The following ZHX2 variants were observed in gnomAD, a reference collection of about 807,000 sequenced individuals.
The protein encoded by ZHX2 is zinc fingers and homeoboxes 2.
ZHX2 carries 6 observed loss-of-function variants against 21.9 expected under a neutral mutation model. The ratio of observed to expected loss-of-function variants is 0.27; its 90% CI spans 0.15 to 0.54. ZHX2 has a LOEUF of 0.54. ZHX2 is among the 20% of genes least tolerant of loss of function. ZHX2 has a pLI of 0.95. For missense variants in ZHX2, 908 were observed against 1,090.7 expected, an observed-to-expected ratio of 0.83 and a Z score of 2.36; for synonymous variants, 434 against 437.1, an observed-to-expected ratio of 0.99 and a Z score of 0.09.
At chr8:122,815,925 C>T (rs1035494591) in intron 1 of ZHX2, among the ~76,000 whole-genome samples, 1 of 151,868 alleles carries the variant, frequency 6.6e-6, no homozygotes, top group African/African-American at 2.4e-5. Context: ...ACTGAAAATA[C>T]AAAAATTAGC....
At chr8:122,893,583 T>C (rs1454089703) in intron 2 of ZHX2, among the ~76,000 whole-genome samples, 2 of 152,188 alleles carry the variant, frequency 1.3e-5, no homozygotes, top group African/African-American at 2.4e-5. Context: ...TAGAAATTCT[T>C]TTTTCTACTT....
rs752787185 is a variant in ZHX2, at chr8:122,872,359, T to C, written c.-220+8820T>C. Among the ~76,000 whole-genome samples, 5 of 152,176 alleles carry C rather than the reference T, an allele frequency of 3.3e-5. No homozygotes were observed. In the South Asian group the frequency reaches 1.0e-3, roughly 32 times the overall value. On this transcript the variant is annotated intron_variant, in intron 2 of 3. Coordinates refer to ENST00000314393, the MANE Select transcript of ZHX2 (RefSeq NM_014943.5). Reference sequence around the variant, plus strand: ...TCACTTTGCCCTCATGGACTAGATATGAAAACCCTGTTGTAGGCATTTGGT... The same window carrying C: ...TCACTTTGCCCTCATGGACTAGATACGAAAACCCTGTTGTAGGCATTTGGT...
intron 1 of ZHX2, among the ~76,000 whole-genome samples, chr8:122,840,576 A>G (rs950322029): frequency 2.0e-5 from 3 of 152,240 alleles, no homozygotes; most frequent in Non-Finnish European, 4.4e-5. Flanking sequence ...ATTACATTGC[A>G]CAGAAAATTC....
At chr8:122,841,103 A>G (rs1416949387) in intron 1 of ZHX2, among the ~76,000 whole-genome samples, 1 of 152,176 alleles carries the variant, frequency 6.6e-6, no homozygotes, top group East Asian at 1.9e-4. Flanking sequence ...CTTTCGTTTT[A>G]GCAGCAGCAT....
chr8:122,830,351 C>T (rs1377847440), intron 1 of ZHX2, among the ~76,000 whole-genome samples: 1 of 152,170 alleles, frequency 6.6e-6, no homozygotes, highest in African/African-American at 2.4e-5. Flanking sequence ...ACACTGCTGG[C>T]ACAAGTAGCC....
At chr8:122,852,805 A>G (rs1302968309) in intron 1 of ZHX2, among the ~76,000 whole-genome samples, 3 of 152,020 alleles carry the variant, frequency 2.0e-5, no homozygotes, top group Non-Finnish European at 1.5e-5. Context: ...TCTTGCTTGC[A>G]TCTTGCCATG....
chr8:122,936,098 A>C (rs1337508507), intron 2 of ZHX2, among the ~76,000 whole-genome samples: 2 of 152,232 alleles, frequency 1.3e-5, no homozygotes, highest in Non-Finnish European at 2.9e-5. Context: ...CGAAAAGAAA[A>C]AAACAACGAT....
chr8:122,923,603 C>A (rs1039450282), intron 2 of ZHX2, among the ~76,000 whole-genome samples: 1 of 152,196 alleles, frequency 6.6e-6, no homozygotes, highest in Admixed American at 6.5e-5. Flanking sequence ...TTGCAACCAC[C>A]TTTAATCTGC....
chr8:122,899,302 C>T (rs1472121170), intron 2 of ZHX2, among the ~76,000 whole-genome samples: 1 of 152,156 alleles, frequency 6.6e-6, no homozygotes, highest in Non-Finnish European at 1.5e-5. Context: ...GCACTGGGAA[C>T]ATTTCCTCTC....
chr8:122,849,509 G>A (rs973218041), intron 1 of ZHX2, among the ~76,000 whole-genome samples: 1 of 152,136 alleles, frequency 6.6e-6, no homozygotes, highest in Non-Finnish European at 1.5e-5. Context: ...AGGCTCTAGG[G>A]AACATCTTTT....
rs575174666 is a variant in ZHX2 at position 122,821,550 on chromosome 8, A to G, written c.-283+39604A>G. ...AAACACTTAAAAAAAAAAAAAAAGG[A>G]GCACTCATGCCTTTGTTATCTTTTG... On this transcript the variant is annotated intron_variant, in intron 1 of 3. Coordinates refer to ENST00000314393, the MANE Select transcript of ZHX2 (RefSeq NM_014943.5). Among the ~76,000 whole-genome samples the G allele has an allele frequency of 4.6e-4, 70 of 150,754 alleles. 1 individual carries two copies. Among genetic ancestry groups the G allele is most frequent in the African/African-American group, 1.6e-3 (67 of 41,168 alleles).
Position 122,952,278 on chromosome 8 carries a change from C to T in ZHX2, c.768C>T (p.Pro256=), listed in dbSNP as rs1813141717. 7 of 1,614,134 alleles carry T rather than the reference C, an allele frequency of 4.3e-6. No homozygotes were observed. Among genetic ancestry groups the T allele is most frequent in the Non-Finnish European group, 5.9e-6 (7 of 1,180,032 alleles). Residue 256 remains proline (P), a synonymous_variant, in exon 3 of 4, where the codon CCC becomes CCT. Transcript: ENST00000314393. The surrounding 1 kb of genome is among the most constrained non-coding windows in gnomAD (Gnocchi z 6.9). ...TGCCACCAAATATCAACCTTGTGCC[C>T]AAGGTCCCTGTCCCACTAAATACTA... is the stretch of plus-strand genomic sequence containing the variant. The part of the protein sequence containing the change: ...VQLPPNINLV[P]KVPVPLNTTK...
At chr8:122,862,684 A>G (rs1386228939) in intron 1 of ZHX2, among the ~76,000 whole-genome samples, 3 of 152,184 alleles carry the variant, frequency 2.0e-5, no homozygotes, top group Non-Finnish European at 4.4e-5. Flanking sequence ...GAAAACAGGA[A>G]TGGATGAAAA....
At chr8:122,924,030 CA>C (rs1330842895) in intron 2 of ZHX2, among the ~76,000 whole-genome samples, 2 of 152,168 alleles carry the variant, frequency 1.3e-5, no homozygotes, top group Non-Finnish European at 2.9e-5. Flanking sequence ...GGGCCTTCCC[CA>C]GCAGGTTGTC....
intron 1 of ZHX2, among the ~76,000 whole-genome samples, chr8:122,819,038 G>C (rs1818087765): frequency 6.6e-6 from 1 of 152,218 alleles, no homozygotes; most frequent in South Asian, 2.1e-4. Context: ...ATGCTCAGGG[G>C]AGAAGAGAAC....
chr8:122,824,573 A>G (rs999796559), intron 1 of ZHX2, among the ~76,000 whole-genome samples: 1 of 152,206 alleles, frequency 6.6e-6, no homozygotes, highest in African/African-American at 2.4e-5. Flanking sequence ...TGTACCTTAG[A>G]TATCATCCAG....
At chr8:122,789,122 A>G (rs1005566512) in intron 1 of ZHX2, among the ~76,000 whole-genome samples, 2 of 152,130 alleles carry the variant, frequency 1.3e-5, no homozygotes, top group African/African-American at 2.4e-5. Flanking sequence ...TCGCCAGCCA[A>G]TGGGGGAAGG....
intron 1 of ZHX2, among the ~76,000 whole-genome samples, chr8:122,784,195 G>A (rs1586569231): frequency 2.0e-5 from 3 of 152,256 alleles, no homozygotes; most frequent in Admixed American, 2.0e-4. Flanking sequence ...TCAGGACCAT[G>A]TGATTTGGTG....
intron 1 of ZHX2, among the ~76,000 whole-genome samples, chr8:122,793,805 C>G (rs752900071): frequency 6.6e-6 from 1 of 152,184 alleles, no homozygotes; most frequent in Non-Finnish European, 1.5e-5. Context: ...TTGGGGGGCC[C>G]TGCCTCTGGG....
Sources: allele counts gnomAD v4.1 joint callset (sites outside exome capture counted in the v4.1 genomes callset), GRCh38; gene constraint gnomAD v4.1.1; non-coding constraint Gnocchi (gnomAD v3.1); transcripts MANE v1.5; gene names NCBI Gene and HGNC (gene_info 2026-07-23, HGNC 2026-07-21).